The following LRRC8D variants were observed in gnomAD, a reference collection of about 807,000 sequenced individuals.
LRRC8D encodes volume-regulated anion channel subunit LRRC8D.
A neutral mutation model predicts 55.8 loss-of-function variants in LRRC8D; 20 were observed. That is an observed-to-expected ratio of 0.36 (90% confidence interval 0.25 to 0.52). LRRC8D has a LOEUF of 0.52. Ranked by LOEUF, LRRC8D falls within the 20% of genes least tolerant of loss-of-function variation. The pLI is 0.93. For missense variants in LRRC8D, 651 were observed against 1,030.8 expected (o/e 0.63, Z 5.05); for synonymous variants, 352 against 377.0 (o/e 0.93, Z 0.77).
chr1:89,935,172 A>C lies in LRRC8D; in HGVS notation c.2104A>C (p.Ile702Leu), dbSNP rs771012964. ...CAAAATTGTTACTATTCCTCCCTCTATTACCCATGTCAAAAACTTGGAGTC... is the reference window on the plus strand; with the variant it reads ...CAAAATTGTTACTATTCCTCCCTCTCTTACCCATGTCAAAAACTTGGAGTC... ...HNKIVTIPPSITHVKNLESLY... is the reference protein window; with the variant it reads ...HNKIVTIPPSLTHVKNLESLY... The change falls in exon 3 of 3, where the codon ATT becomes CTT. Residue 702 changes from isoleucine to leucine, a missense_variant. Around this residue, in one of 5 missense-constraint regions of LRRC8D, gnomAD observed 338 missense variants for 479.4 expected, o/e 0.71. Coordinates refer to ENST00000337338, the MANE Select transcript of LRRC8D (RefSeq NM_001134479.2). 6.2e-7 allele frequency: 1 copy of C among 1,614,072 alleles called. No homozygotes were observed. The highest frequency in any genetic ancestry group is 8.5e-7 in the Non-Finnish European group (1 of 1,180,038).
At chr1:89,931,936 T>C (rs1178672154) in intron 2 of LRRC8D, among the ~76,000 whole-genome samples, 1 of 152,190 alleles carries the variant, frequency 6.6e-6, no homozygotes. Context: ...AATATAAATA[T>C]GGAAACCCAA....
chr1:89,870,391 G>A (rs1472438202), intron 2 of LRRC8D, among the ~76,000 whole-genome samples: 4 of 151,862 alleles, frequency 2.6e-5, no homozygotes, highest in East Asian at 3.9e-4. Flanking sequence ...CAGGAGAATC[G>A]CTTGAACCCG....
intron 2 of LRRC8D, among the ~76,000 whole-genome samples, chr1:89,929,302 G>A (rs1002154865): frequency 1.3e-5 from 2 of 152,220 alleles, no homozygotes; most frequent in Non-Finnish European, 2.9e-5. Flanking sequence ...GAGGAGTAGG[G>A]AGGAAGTAAT....
intron 2 of LRRC8D, among the ~76,000 whole-genome samples, chr1:89,854,845 T>A (rs1479579090): frequency 6.6e-6 from 1 of 152,114 alleles, no homozygotes; most frequent in Non-Finnish European, 1.5e-5. Flanking sequence ...GTTGTGTCTG[T>A]ACCTGGCAAT....
intron 2 of LRRC8D, among the ~76,000 whole-genome samples, chr1:89,893,619 AC>A (rs1453154846): frequency 6.6e-6 from 1 of 152,062 alleles, no homozygotes; most frequent in Non-Finnish European, 1.5e-5. Flanking sequence ...ATACAGTGGA[AC>A]CCATCTATAT....
chr1:89,855,112 T>G (rs1007443485), intron 2 of LRRC8D, among the ~76,000 whole-genome samples: 2 of 152,214 alleles, frequency 1.3e-5, no homozygotes, highest in African/African-American at 4.8e-5. Flanking sequence ...TCTCACTCTT[T>G]GTTAAAAGTG....
intron 1 of LRRC8D, among the ~76,000 whole-genome samples, chr1:89,838,581 G>T (rs552305916): frequency 2.1e-3 from 317 of 152,268 alleles, no homozygotes; most frequent in Non-Finnish European, 3.2e-3. Flanking sequence ...AGCAGTCTGT[G>T]CTGGGAGCAT....
At chr1:89,889,688 C>A (rs1662512638) in intron 2 of LRRC8D, among the ~76,000 whole-genome samples, 1 of 150,600 alleles carries the variant, frequency 6.6e-6, no homozygotes, top group Admixed American at 6.6e-5. Flanking sequence ...TCGAGACCAG[C>A]CTGGCGAACA....
intron 1 of LRRC8D, among the ~76,000 whole-genome samples, chr1:89,836,429 CCTT>C (rs1246284689): frequency 1.3e-4 from 20 of 152,230 alleles, no homozygotes; most frequent in Non-Finnish European, 2.4e-4. Flanking sequence ...ATTCTCATGA[CCTT>C]CTGCCTGTGC....
At chr1:89,924,542 T>C (rs866963048) in intron 2 of LRRC8D, among the ~76,000 whole-genome samples, 1 of 152,160 alleles carries the variant, frequency 6.6e-6, no homozygotes, top group South Asian at 2.1e-4. Flanking sequence ...GAACTATAAT[T>C]CAACCCAGCA....
In LRRC8D at chr1:89,933,100, A is replaced by T; in HGVS notation, c.32A>T (p.Asn11Ile). Residue 11 changes from asparagine to isoleucine, a missense_variant, in exon 3 of 3, where the codon AAT becomes ATT. Asn to Ile is a moderately radical substitution (Grantham distance 149, BLOSUM62 -3). Around this residue, in one of 5 missense-constraint regions of LRRC8D, gnomAD observed 15 missense variants for 22.0 expected, o/e 0.68. Transcript: ENST00000337338. The surrounding 1 kb of genome is among the most constrained non-coding windows in gnomAD (Gnocchi z 7.0). ...ACCCTTGCGGAAGTTGCATCACTTA[A>T]TGACATTCAGCCAACTTACCGAATC... MFTLAEVASL[N>I]DIQPTYRILK... 1 of 1,611,910 alleles carries T rather than the reference A, an allele frequency of 6.2e-7. No individual in the cohort carries two copies. The highest frequency in any genetic ancestry group is 8.5e-7 in the Non-Finnish European group (1 of 1,177,998).
intron 1 of LRRC8D, among the ~76,000 whole-genome samples, chr1:89,839,573 A>G (rs1661082391): frequency 6.6e-6 from 1 of 152,144 alleles, no homozygotes; most frequent in East Asian, 1.9e-4. Flanking sequence ...ATGGCTAATA[A>G]TCCTCTATGG....
intron 2 of LRRC8D, among the ~76,000 whole-genome samples, chr1:89,914,338 C>T (rs1013628587): frequency 5.3e-5 from 8 of 152,362 alleles, no homozygotes; most frequent in African/African-American, 1.9e-4. Context: ...GCTCACGCCT[C>T]TGCCTCCACA....
At chr1:89,840,571 C>T (rs6701308) in intron 1 of LRRC8D, among the ~76,000 whole-genome samples, 9,214 of 152,166 alleles carry the variant, frequency 0.061, 478 homozygotes, top group East Asian at 0.17. Flanking sequence ...GCAGCATAGG[C>T]GAATACCATT....
In LRRC8D at chr1:89,933,291, G is replaced by A. The variant is rs200937607; in HGVS notation, c.223G>A (p.Val75Ile). ...KAHTPPGNAE[V>I]TTNIPKMEAA... is the part of the protein sequence containing the mutation. ...ACATACACCACCAGGAAATGCCGAG[G>A]TCACCACCAACATCCCAAAGATGGA... The change falls in exon 3 of 3, where the codon GTC (valine) becomes ATC (isoleucine). Residue 75 changes from valine (V) to isoleucine (I), a missense_variant. By Grantham distance (29) the Val-to-Ile change is conservative. Around this residue, in one of 5 missense-constraint regions of LRRC8D, gnomAD observed 118 missense variants for 138.0 expected, o/e 0.85. Coordinates refer to ENST00000337338, the MANE Select transcript of LRRC8D (RefSeq NM_001134479.2). The surrounding 1 kb of genome is among the most constrained non-coding windows in gnomAD (Gnocchi z 7.0). 1.5e-4 allele frequency: 240 copies of A among 1,614,108 alleles called. 1 individual carries two copies. Among genetic ancestry groups the A allele is most frequent in the Admixed American group, 1.7e-4 (10 of 60,004 alleles).
Position 89,933,301 on chromosome 1 carries a change from A to G in LRRC8D, c.233A>G (p.Asn78Ser), listed in dbSNP as rs780579249. 3.1e-6 allele frequency: 5 copies of G among 1,614,040 alleles called. No individual in the cohort carries two copies. The highest frequency in any genetic ancestry group is 4.2e-6 in the Non-Finnish European group (5 of 1,180,030). The change falls in exon 3 of 3, where the codon AAC becomes AGC. Residue 78 changes from asparagine to serine, a missense_variant. Coordinates refer to ENST00000337338, the MANE Select transcript of LRRC8D (RefSeq NM_001134479.2). The surrounding 1 kb of genome is among the most constrained non-coding windows in gnomAD (Gnocchi z 7.0). ...TPPGNAEVTT[N>S]IPKMEAATNQ... ...CCAGGAAATGCCGAGGTCACCACCAACATCCCAAAGATGGAAGCAGCCACC... is the reference window on the plus strand; with the variant it reads ...CCAGGAAATGCCGAGGTCACCACCAGCATCCCAAAGATGGAAGCAGCCACC...
intron 2 of LRRC8D, among the ~76,000 whole-genome samples, chr1:89,866,994 AT>A (rs934217165): frequency 9.2e-5 from 14 of 152,284 alleles, no homozygotes; most frequent in African/African-American, 2.9e-4. Flanking sequence ...GTATTTGTGT[AT>A]TTTTTTAACT....
Position 89,935,674 on chromosome 1 carries a change from C to A in LRRC8D, c.*29C>A. Reference sequence around the variant, plus strand: ...AAGATAATATATGCACAGTGATGTGCAGGAACAACTTCCTAGATTGCAAGT... The same window carrying A: ...AAGATAATATATGCACAGTGATGTGAAGGAACAACTTCCTAGATTGCAAGT... On this transcript the variant is annotated 3_prime_UTR_variant, in exon 3 of 3. Coordinates refer to ENST00000337338, the MANE Select transcript of LRRC8D (RefSeq NM_001134479.2). 1 of 1,588,688 alleles carries A rather than the reference C, an allele frequency of 6.3e-7. No individual in the cohort carries two copies. The highest frequency in any genetic ancestry group is 1.1e-5 in the South Asian group (1 of 88,830).
At chr1:89,869,138 C>T (rs1211055248) in intron 2 of LRRC8D, among the ~76,000 whole-genome samples, 3 of 152,076 alleles carry the variant, frequency 2.0e-5, no homozygotes, top group African/African-American at 7.2e-5. Context: ...AGCTCCTGAC[C>T]TCAGGTGATC....
Sources: gnomAD v4.1 joint callset for allele counts (sites outside exome capture counted in the v4.1 genomes callset) on GRCh38, gnomAD v4.1.1 for gene constraint, gnomAD v4.1.1 regional missense constraint, Gnocchi (gnomAD v3.1) non-coding constraint, MANE v1.5 for transcripts, NCBI Gene and HGNC (gene_info 2026-07-23, HGNC 2026-07-21) for gene names.